The following APBA1 variants were observed in gnomAD, a reference collection of about 807,000 sequenced individuals.
The protein encoded by APBA1 is amyloid beta precursor protein binding family A member 1.
A neutral mutation model predicts 86.6 loss-of-function variants in APBA1; 55 were observed. The ratio of observed to expected loss-of-function variants is 0.64; its 90% CI spans 0.51 to 0.80. The LOEUF (loss-of-function observed/expected upper bound fraction) is 0.80. APBA1 is among the 30% of genes least tolerant of loss of function. The pLI, the probability that APBA1 is intolerant of heterozygous loss-of-function variation, is 0.00. For missense variants in APBA1, 1,090 were observed against 1,183.0 expected (o/e 0.92, Z 1.15); for synonymous variants, 511 against 493.9 (o/e 1.03, Z -0.46).
intron 2 of APBA1, among the ~76,000 whole-genome samples, chr9:69,504,331 T>G (rs1166279150): frequency 6.6e-6 from 1 of 152,078 alleles, no homozygotes; most frequent in Non-Finnish European, 1.5e-5. Context: ...ACTTTCCACC[T>G]TTTTGCCATA....
chr9:69,493,957 A>T (rs1299518813), intron 2 of APBA1, among the ~76,000 whole-genome samples: 4 of 152,098 alleles, frequency 2.6e-5, no homozygotes, highest in Non-Finnish European at 4.4e-5. Context: ...AATTGTTTTT[A>T]AAAACCCCAA....
chr9:69,598,156 T>C (rs546384390), intron 1 of APBA1, among the ~76,000 whole-genome samples: 1 of 151,910 alleles, frequency 6.6e-6, no homozygotes, highest in East Asian at 1.9e-4. Context: ...AAATTGGAAA[T>C]CACCATTCTC....
chr9:69,544,746 C>T (rs1002944635), intron 1 of APBA1, among the ~76,000 whole-genome samples: 1 of 152,210 alleles, frequency 6.6e-6, no homozygotes, highest in Non-Finnish European at 1.5e-5. Flanking sequence ...TTCTACAACA[C>T]ATATGCTCAA....
Position 69,456,436 on chromosome 9 carries a change from G to C in APBA1, c.1603-4C>G, listed in dbSNP as rs773326051. On this transcript the variant is annotated splice_region_variant and splice_polypyrimidine_tract_variant and intron_variant, in intron 7 of 12. Transcript: ENST00000265381. ...GAGGGTGGTCCATCATTGTCTCCTG[G>C]AGGCAGGAAGAGAGGGCGGGTAAGT... 6.3e-7 allele frequency: 1 copy of C among 1,579,748 alleles called. No individual in the cohort carries two copies. The highest frequency in any genetic ancestry group is 1.3e-5 in the African/African-American group (1 of 74,230).
chr9:69,668,041 C>T (rs553756609), intron 1 of APBA1, among the ~76,000 whole-genome samples: 13 of 152,260 alleles, frequency 8.5e-5, no homozygotes, highest in African/African-American at 2.2e-4. Context: ...CCTTGTTTAA[C>T]GTGGTTCCTG....
intron 1 of APBA1, among the ~76,000 whole-genome samples, chr9:69,596,147 C>A (rs566119876): frequency 1.7e-4 from 26 of 152,066 alleles, no homozygotes; most frequent in African/African-American, 6.0e-4. Flanking sequence ...AGAGCCACAC[C>A]CTGCTAATTT....
intron 1 of APBA1, among the ~76,000 whole-genome samples, chr9:69,614,497 T>G (rs1379627208): frequency 6.6e-6 from 1 of 152,218 alleles, no homozygotes; most frequent in Non-Finnish European, 1.5e-5. Context: ...TCAGTCATAA[T>G]TTTGGTTATT....
chr9:69,482,926 G>A (rs188420456), intron 2 of APBA1, among the ~76,000 whole-genome samples: 13,663 of 136,686 alleles, frequency 0.1, 784 homozygotes, highest in East Asian at 0.28. Context: ...CAATGAGATC[G>A]CATGGACACA....
chr9:69,494,864 A>G (rs1404544529), intron 2 of APBA1, among the ~76,000 whole-genome samples: 1 of 152,168 alleles, frequency 6.6e-6, no homozygotes, highest in Non-Finnish European at 1.5e-5. Flanking sequence ...TATGTGTGTC[A>G]GGCACTGTAC....
At chr9:69,642,036 G>A (rs1382317627) in intron 1 of APBA1, among the ~76,000 whole-genome samples, 2 of 152,114 alleles carry the variant, frequency 1.3e-5, no homozygotes, top group African/African-American at 4.8e-5. Context: ...AGTAGAGATG[G>A]GGTTTCACCA....
chr9:69,575,653 T>G (rs1410252845), intron 1 of APBA1, among the ~76,000 whole-genome samples: 1 of 152,176 alleles, frequency 6.6e-6, no homozygotes, highest in Admixed American at 6.5e-5. Flanking sequence ...TGGCTAGCCA[T>G]ATGTAGAAAG....
At chr9:69,506,275 AG>A (rs1471428315) in intron 2 of APBA1, among the ~76,000 whole-genome samples, 1 of 151,288 alleles carries the variant, frequency 6.6e-6, no homozygotes, top group African/African-American at 2.4e-5. Context: ...GGGGTCAGGG[AG>A]TTCCCTTTCT....
Position 69,639,121 on chromosome 9 carries a change from G to A in APBA1, c.-70+33032C>T, listed in dbSNP as rs138053835. 1.0e-3 allele frequency among the ~76,000 whole-genome samples: 156 copies of A among 152,212 alleles called. 1 individual carries two copies. Among genetic ancestry groups the A allele is most frequent in the African/African-American group, 3.5e-3 (144 of 41,546 alleles). On this transcript the variant is annotated intron_variant, in intron 1 of 12. Transcript: ENST00000265381. Reference sequence around the variant, plus strand: ...GAAATAGAAAAACTTCTATTTTACAGAGATAGTTTACAGTTAAAAGACATT... The same window carrying A: ...GAAATAGAAAAACTTCTATTTTACAAAGATAGTTTACAGTTAAAAGACATT...
chr9:69,467,428 C>T (rs1477252189), intron 5 of APBA1, among the ~76,000 whole-genome samples: 1 of 152,150 alleles, frequency 6.6e-6, no homozygotes, highest in Non-Finnish European at 1.5e-5. Context: ...AAAAGCAATG[C>T]CACCTAGTTT....
chr9:69,437,441 G>A (rs1834748113), intron 11 of APBA1, among the ~76,000 whole-genome samples: 1 of 132,306 alleles, frequency 7.6e-6, no homozygotes. Flanking sequence ...ATTAATTATT[G>A]GCTCAATTTC....
intron 1 of APBA1, among the ~76,000 whole-genome samples, chr9:69,575,919 C>A (rs1331039607): frequency 6.6e-6 from 1 of 152,144 alleles, no homozygotes; most frequent in African/African-American, 2.4e-5. Context: ...AGTGAACAGG[C>A]AACCTACAGA....
At chr9:69,547,112 T>G (rs1395621059) in intron 1 of APBA1, among the ~76,000 whole-genome samples, 1 of 152,222 alleles carries the variant, frequency 6.6e-6, no homozygotes, top group Non-Finnish European at 1.5e-5. Flanking sequence ...CAGAGACCAG[T>G]GAGGAATTAA....
At chr9:69,642,187 T>C (rs1021826631) in intron 1 of APBA1, among the ~76,000 whole-genome samples, 7 of 152,228 alleles carry the variant, frequency 4.6e-5, no homozygotes, top group African/African-American at 1.7e-4. Flanking sequence ...AGATGAGTCA[T>C]TGACTAGAGA....
chr9:69,529,218 AT>A (rs2133904234), intron 1 of APBA1, among the ~76,000 whole-genome samples: 1 of 152,232 alleles, frequency 6.6e-6, no homozygotes, highest in South Asian at 2.1e-4. Flanking sequence ...CAAATCTGCT[AT>A]GCTAGGGCTA....
Sources: gnomAD v4.1 joint callset for allele counts (sites outside exome capture counted in the v4.1 genomes callset) on GRCh38, gnomAD v4.1.1 for gene constraint, MANE v1.5 for transcripts, NCBI Gene and HGNC (gene_info 2026-07-23, HGNC 2026-07-21) for gene names.